Variants in MAN2A1 observed in about 807,000 individuals in gnomAD.
The protein encoded by MAN2A1 is mannosidase alpha class 2A member 1, also known as alpha-mannosidase 2.
MAN2A1 carries 76 observed loss-of-function variants against 142.6 expected under a neutral mutation model. The ratio of observed to expected loss-of-function variants is 0.53; its 90% CI spans 0.44 to 0.65. The LOEUF (loss-of-function observed/expected upper bound fraction) is 0.65. Ranked by LOEUF, MAN2A1 falls within the 30% of genes least tolerant of loss-of-function variation. MAN2A1 has a pLI of 0.00. For synonymous variants in MAN2A1, 559 were observed against 473.2 expected (o/e 1.18, Z -2.35); for missense variants, 1,311 against 1,365.1 (o/e 0.96, Z 0.62).
chr5:109,772,213 G>T (rs1753165873), intron 7 of MAN2A1, among the ~76,000 whole-genome samples: 1 of 151,976 alleles, frequency 6.6e-6, no homozygotes, highest in Admixed American at 6.6e-5. Context: ...TGGGCAACAT[G>T]GTAAAACCCC....
chr5:109,728,965 G>T (rs1191091688), intron 3 of MAN2A1, among the ~76,000 whole-genome samples: 1 of 152,000 alleles, frequency 6.6e-6, no homozygotes, highest in Non-Finnish European at 1.5e-5. Context: ...TAGGATAACA[G>T]TACTGCCAAC....
intron 1 of MAN2A1, among the ~76,000 whole-genome samples, chr5:109,710,783 C>T (rs896385408): frequency 5.3e-5 from 8 of 152,138 alleles, no homozygotes; most frequent in African/African-American, 1.2e-4. Flanking sequence ...CTCCGCCTCC[C>T]GGGTTCAAGT....
intron 4 of MAN2A1, among the ~76,000 whole-genome samples, chr5:109,740,596 G>T (rs1752239888): frequency 6.6e-6 from 1 of 152,188 alleles, no homozygotes; most frequent in Non-Finnish European, 1.5e-5. Context: ...TGGGCAGAGA[G>T]ACTTCTGCAG....
intron 5 of MAN2A1, among the ~76,000 whole-genome samples, chr5:109,766,345 A>T (rs1160393135): frequency 6.6e-6 from 1 of 152,154 alleles, no homozygotes; most frequent in Non-Finnish European, 1.5e-5. Context: ...AGAGTTCAAT[A>T]TTTCTTTTTA....
At position 109,784,910 on chromosome 5, in the gene MAN2A1, G is replaced by A. The variant is rs1345085105; in HGVS notation, c.1744G>A (p.Val582Met). The A allele has an allele frequency of 1.9e-6, 3 of 1,592,904 alleles. No individual in the cohort carries two copies. The highest frequency in any genetic ancestry group is 2.6e-6 in the Non-Finnish European group (3 of 1,173,916). The stretch of plus-strand genomic sequence containing the variant: ...AGGAACTGCAAAAGACTGGGTGGTT[G>A]TGGATTATGGTACCAGGTAATCTAA... Reference protein sequence around the residue: ...ITGTAKDWVVVDYGTRLFHSL... With the variant: ...ITGTAKDWVVMDYGTRLFHSL... Residue 582 changes from valine (V) to methionine (M), a missense_variant, in exon 10 of 22, where the codon GTG (valine) becomes ATG (methionine). This residue lies in a region of MAN2A1 where 890 missense variants were observed against 920.5 expected (regional missense o/e 0.97). Transcript: ENST00000261483.
chr5:109,770,208 G>A (rs550680181), intron 6 of MAN2A1, 147 bp from the exon 7 acceptor site: 13 of 645,364 alleles, frequency 2.0e-5, no homozygotes, highest in Non-Finnish European at 2.9e-5. Flanking sequence ...AAATACCGCT[G>A]GGGTATATGT....
chr5:109,754,011 C>CA (rs58565453), intron 4 of MAN2A1, among the ~76,000 whole-genome samples: 12,851 of 151,792 alleles, frequency 0.085, 648 homozygotes, highest in African/African-American at 0.15. Context: ...CAGGCTCAAG[C>CA]AATCCTCCCA....
chr5:109,751,729 C>T (rs1029458589), intron 4 of MAN2A1, among the ~76,000 whole-genome samples: 8 of 152,026 alleles, frequency 5.3e-5, no homozygotes, highest in African/African-American at 1.9e-4. Context: ...ACAGATTGCT[C>T]TTTATTACTC....
intron 1 of MAN2A1, among the ~76,000 whole-genome samples, chr5:109,705,002 C>T (rs1751090214): frequency 6.6e-6 from 1 of 152,150 alleles, no homozygotes; most frequent in South Asian, 2.1e-4. Context: ...CACCATTCAG[C>T]TATCTAATAG....
intron 5 of MAN2A1, among the ~76,000 whole-genome samples, chr5:109,760,222 G>A (rs1404470817): frequency 6.6e-6 from 1 of 152,112 alleles, no homozygotes; most frequent in African/African-American, 2.4e-5. Context: ...ACTTATGAGT[G>A]AGAACATGCG....
At chr5:109,715,587 G>A (rs1179661136) in intron 2 of MAN2A1, among the ~76,000 whole-genome samples, 1 of 152,038 alleles carries the variant, frequency 6.6e-6, no homozygotes, top group Non-Finnish European at 1.5e-5. Context: ...TGACCCTGTT[G>A]TAGTTTTACT....
chr5:109,732,704 T>G (rs1173373660), intron 4 of MAN2A1, among the ~76,000 whole-genome samples: 1 of 152,192 alleles, frequency 6.6e-6, no homozygotes, highest in African/African-American at 2.4e-5. Flanking sequence ...AGGGCTGTGT[T>G]CTGTTCCATT....
chr5:109,729,284 T>A (rs1751832412), intron 3 of MAN2A1, 58 bp from the exon 4 acceptor site: 2 of 1,096,808 alleles, frequency 1.8e-6, no homozygotes, highest in South Asian at 1.5e-5. Context: ...GGAATGTGAC[T>A]GAGTTGAAAT....
chr5:109,839,934 CTT>C (rs766999792), intron 16 of MAN2A1, among the ~76,000 whole-genome samples: 22 of 140,072 alleles, frequency 1.6e-4, no homozygotes, highest in Admixed American at 2.9e-4. Flanking sequence ...CATTTACATT[CTT>C]TTTTTTTTTT....
At chr5:109,741,646 G>T (rs916931175) in intron 4 of MAN2A1, among the ~76,000 whole-genome samples, 2 of 152,060 alleles carry the variant, frequency 1.3e-5, no homozygotes, top group African/African-American at 4.8e-5. Context: ...AATTGATTGT[G>T]GGAACTTAAC....
chr5:109,840,497 G>A, intron 16 of MAN2A1: 1 of 493,768 alleles, frequency 2.0e-6, no homozygotes, highest in Admixed American at 2.1e-5. Flanking sequence ...TTGGCTTGGT[G>A]GAATACCATC....
At chr5:109,716,000 A>G (rs1457936351) in intron 2 of MAN2A1, 120 bp from the exon 3 acceptor site, 3 of 604,434 alleles carry the variant, frequency 5.0e-6, no homozygotes, top group Non-Finnish European at 8.0e-6. Flanking sequence ...TGTCTACAGA[A>G]ATAGTTTTAT....
intron 12 of MAN2A1, among the ~76,000 whole-genome samples, chr5:109,792,845 A>G (rs1753769086): frequency 6.6e-6 from 1 of 152,026 alleles, no homozygotes; most frequent in Admixed American, 6.6e-5. Context: ...GCCTCTCCAT[A>G]TGACTTGGGC....
intron 4 of MAN2A1, among the ~76,000 whole-genome samples, chr5:109,739,481 T>A (rs1342616569): frequency 6.6e-6 from 1 of 152,206 alleles, no homozygotes; most frequent in Non-Finnish European, 1.5e-5. Context: ...TTTGGGAGAT[T>A]TTTCCCAAGA....
Sources: gnomAD v4.1 joint callset for allele counts (sites outside exome capture counted in the v4.1 genomes callset) on GRCh38, gnomAD v4.1.1 for gene constraint, gnomAD v4.1.1 regional missense constraint, MANE v1.5 for transcripts, NCBI Gene and HGNC (gene_info 2026-07-23, HGNC 2026-07-21) for gene names.